Variants in DPP6 observed in about 807,000 individuals in gnomAD.
DPP6 encodes A-type potassium channel modulatory protein DPP6.
In DPP6, 69 loss-of-function variants were observed where a neutral mutation model predicts 122.6. The ratio of observed to expected loss-of-function variants is 0.56; its 90% CI spans 0.46 to 0.69. The LOEUF is 0.69. Ranked by LOEUF, DPP6 falls within the 30% of genes least tolerant of loss-of-function variation. The pLI is 0.00. For synonymous variants in DPP6, 418 were observed against 433.1 expected, an observed-to-expected ratio of 0.97 and a Z score of 0.43; for missense variants, 928 against 1,116.9, an observed-to-expected ratio of 0.83 and a Z score of 2.41.
intron 1 of DPP6, chr7:154,059,288 T>C (rs7780492): frequency 6.9e-6 from 1 of 145,348 alleles, no homozygotes; most frequent in Admixed American, 6.9e-5. Flanking sequence ...GGCACCCCCC[T>C]TGAGGCGGGG....
intron 18 of DPP6, among the ~76,000 whole-genome samples, chr7:154,871,429 G>T (rs1189084927): frequency 6.6e-6 from 1 of 152,086 alleles, no homozygotes; most frequent in Non-Finnish European, 1.5e-5. Context: ...GACCTGACTT[G>T]GTTTTGTTTT....
chr7:154,455,061 G>T (rs1240599749), intron 2 of DPP6, among the ~76,000 whole-genome samples: 1 of 152,122 alleles, frequency 6.6e-6, no homozygotes, highest in African/African-American at 2.4e-5. Flanking sequence ...GTCCAGGTGG[G>T]CTCCATCTCT....
At chr7:154,843,955 T>C (rs972363448) in intron 16 of DPP6, among the ~76,000 whole-genome samples, 49 of 152,260 alleles carry the variant, frequency 3.2e-4, no homozygotes, top group African/African-American at 1.1e-3. Flanking sequence ...TCTATTTCTG[T>C]CTGTTTCCCC....
intron 7 of DPP6, among the ~76,000 whole-genome samples, chr7:154,710,098 C>T (rs1841086718): frequency 6.6e-6 from 1 of 152,226 alleles, no homozygotes; most frequent in Non-Finnish European, 1.5e-5. Flanking sequence ...CACACAGGAG[C>T]TGCCTTCTCC....
intron 1 of DPP6, among the ~76,000 whole-genome samples, chr7:154,123,543 G>A (rs1807648629): frequency 6.6e-6 from 1 of 152,088 alleles, no homozygotes; most frequent in Admixed American, 6.5e-5. Flanking sequence ...AGGGCTGTTG[G>A]TGCCAGTGCC....
the DPP6 span, among the ~76,000 whole-genome samples, chr7:153,776,890 A>G: frequency 6.6e-6 from 1 of 152,256 alleles, no homozygotes. Flanking sequence ...TCGTAAAAGG[A>G]AAGAATCAGT....
chr7:154,315,065 A>G (rs1031478030), intron 1 of DPP6, among the ~76,000 whole-genome samples: 1 of 152,216 alleles, frequency 6.6e-6, no homozygotes, highest in African/African-American at 2.4e-5. Context: ...TTCGTTATTT[A>G]ATGAGTTGCT....
At chr7:154,146,733 A>G (rs1277615015) in intron 1 of DPP6, among the ~76,000 whole-genome samples, 21 of 151,434 alleles carry the variant, frequency 1.4e-4, no homozygotes, top group Non-Finnish European at 2.2e-4. Context: ...CTTGTGTCGG[A>G]GAAAGACAGT....
the DPP6 span, among the ~76,000 whole-genome samples, chr7:153,753,821 T>C: frequency 6.6e-6 from 1 of 152,154 alleles, no homozygotes; most frequent in Non-Finnish European, 1.5e-5. Context: ...ATAATCGTAA[T>C]ATCTCCTGTT....
chr7:154,430,903 AAGTT>A, intron 1 of DPP6, among the ~76,000 whole-genome samples: 1 of 28,798 alleles, frequency 3.5e-5, no homozygotes, highest in South Asian at 2.4e-3. Context: ...TTCTTTCGTT[AAGTT>A]AAGTCTTCCA....
chr7:154,325,269 A>G (rs1357156233), intron 1 of DPP6, among the ~76,000 whole-genome samples: 6 of 151,728 alleles, frequency 4.0e-5, no homozygotes, highest in Non-Finnish European at 2.9e-5. Flanking sequence ...GGGTCTCCTC[A>G]CTCCATCCCC....
intron 1 of DPP6, among the ~76,000 whole-genome samples, chr7:154,175,721 CTTT>C (rs34496609): frequency 7.4e-6 from 1 of 135,926 alleles, no homozygotes; most frequent in Non-Finnish European, 1.6e-5. Flanking sequence ...TGGAGACTGG[CTTT>C]TTTTTTTTTT....
intron 1 of DPP6, among the ~76,000 whole-genome samples, chr7:154,062,733 G>T (rs1430507332): frequency 1.4e-5 from 1 of 69,306 alleles, no homozygotes. Context: ...CGTAGGGGGG[G>T]GGAGGCACCC....
the DPP6 span, among the ~76,000 whole-genome samples, chr7:153,795,203 T>G: frequency 6.6e-6 from 1 of 152,174 alleles, no homozygotes; most frequent in Admixed American, 6.5e-5. Flanking sequence ...GATCACGAGG[T>G]CAGGAGATCG....
At chr7:153,816,120 T>G in the DPP6 span, among the ~76,000 whole-genome samples, 1 of 151,624 alleles carries the variant, frequency 6.6e-6, no homozygotes, top group Non-Finnish European at 1.5e-5. Context: ...TAATAGAAGC[T>G]AAGAAAATGG....
chr7:153,795,164 C>T, the DPP6 span, among the ~76,000 whole-genome samples: 1 of 152,236 alleles, frequency 6.6e-6, no homozygotes, highest in African/African-American at 2.4e-5. Flanking sequence ...CGCCTGTAAT[C>T]CTAGCACTTT....
chr7:154,306,059 C>G (rs950718995), intron 1 of DPP6, among the ~76,000 whole-genome samples: 4 of 152,144 alleles, frequency 2.6e-5, no homozygotes, highest in Admixed American at 2.6e-4. Context: ...CTTTGGATAC[C>G]TCGTGGCCCT....
At chr7:154,156,684 A>G (rs1401284823) in intron 1 of DPP6, among the ~76,000 whole-genome samples, 2 of 152,208 alleles carry the variant, frequency 1.3e-5, no homozygotes, top group Non-Finnish European at 2.9e-5. Flanking sequence ...TTCCTGATCA[A>G]TACCTCTTAA....
At chr7:154,638,229 C>T (rs1441813617) in intron 6 of DPP6, among the ~76,000 whole-genome samples, 1 of 152,202 alleles carries the variant, frequency 6.6e-6, no homozygotes, top group African/African-American at 2.4e-5. Context: ...GGCCCTTGGC[C>T]TCCCACGAGG....
Sources: gnomAD v4.1 joint callset for allele counts (sites outside exome capture counted in the v4.1 genomes callset) on GRCh38, gnomAD v4.1.1 for gene constraint, MANE v1.5 for transcripts, NCBI Gene and HGNC (gene_info 2026-07-23, HGNC 2026-07-21) for gene names.